LY96: variants seen among roughly 807,000 people sequenced by gnomAD.
LY96 encodes the protein lymphocyte antigen 96, also known as myeloid differentiation protein-2.
A neutral mutation model predicts 18.9 loss-of-function variants in LY96; 18 were observed. That is an observed-to-expected ratio of 0.95 (90% CI 0.66 to 1.41). The LOEUF is 1.41. Ranked by LOEUF, LY96 falls within the 40% of genes most tolerant of loss-of-function variation. LY96 has a pLI of 0.00. For synonymous variants in LY96, 66 were observed against 62.6 expected (o/e 1.06, Z -0.26); for missense variants, 175 against 182.4 (o/e 0.96, Z 0.23).
At chr8:74,019,506 T>C (rs951564797) in intron 3 of LY96, among the ~76,000 whole-genome samples, 1 of 152,220 alleles carries the variant, frequency 6.6e-6, no homozygotes, top group African/African-American at 2.4e-5. Flanking sequence ...AAGGAGATGG[T>C]ACCATTTCTT....
chr8:74,012,224 A>G (rs1816546676), intron 3 of LY96, among the ~76,000 whole-genome samples: 1 of 152,246 alleles, frequency 6.6e-6, no homozygotes, highest in South Asian at 2.1e-4. Flanking sequence ...TATATCAAAA[A>G]GATACCTGCA....
At chr8:74,094,050 A>G in the LY96 span, among the ~76,000 whole-genome samples, 136,004 of 152,102 alleles carry the variant, frequency 0.89, 61,000 homozygotes, top group African/African-American at 0.96. Context: ...TTATGAAAAC[A>G]CAGTTTGGGG....
chr8:74,063,875 T>C, the LY96 span, among the ~76,000 whole-genome samples: 1 of 152,188 alleles, frequency 6.6e-6, no homozygotes, highest in Admixed American at 6.5e-5. Flanking sequence ...TTGGATTGTT[T>C]ATACAGTCAA....
intron 3 of LY96, among the ~76,000 whole-genome samples, chr8:74,018,948 C>G (rs1472833576): frequency 6.6e-6 from 1 of 152,088 alleles, no homozygotes; most frequent in Non-Finnish European, 1.5e-5. Context: ...ATTTATAGCA[C>G]TAAATGCCCA....
At chr8:74,081,672 T>A in the LY96 span, among the ~76,000 whole-genome samples, 113 of 152,058 alleles carry the variant, frequency 7.4e-4, 1 homozygote, top group Admixed American at 1.5e-3. Flanking sequence ...TTTTTCTTTT[T>A]AGACAGAGTC....
rs1563707721 is a variant in LY96 at position 73,996,364 on chromosome 8, CCTTCATTCCTTTCTTTCTTTCTTT to C, written c.112+4814_112+4837del. Among the ~76,000 whole-genome samples the C allele has an allele frequency of 8.1e-4, 72 of 89,436 alleles. 1 individual carries two copies. Among genetic ancestry groups the C allele is most frequent in the African/African-American group, 2.4e-3 (64 of 26,752 alleles). 58.7% of individuals were successfully genotyped at this position (89,436 alleles called of 152,430 possible). On this transcript the variant is annotated intron_variant, in intron 1 of 4. Coordinates refer to ENST00000284818, the MANE Select transcript of LY96 (RefSeq NM_015364.5). The stretch of plus-strand genomic sequence containing the variant: ...TCCTTCCTTCCTTCCTTCCTTCCTT[CCTTCATTCCTTTCTTTCTTTCTTT>C]CTTTCTTTCTTTCTTTCTTTCTTTC...
the LY96 span, among the ~76,000 whole-genome samples, chr8:74,043,842 A>T: frequency 6.6e-6 from 1 of 152,188 alleles, no homozygotes; most frequent in Non-Finnish European, 1.5e-5. Context: ...ATATTGTTTT[A>T]TTTTTATCTT....
chr8:74,072,470 T>A, the LY96 span, among the ~76,000 whole-genome samples: 1 of 152,220 alleles, frequency 6.6e-6, no homozygotes. Context: ...TAATTATTAG[T>A]CCTCTGTTGT....
At chr8:74,082,388 T>C in the LY96 span, among the ~76,000 whole-genome samples, 3 of 152,234 alleles carry the variant, frequency 2.0e-5, no homozygotes, top group Admixed American at 6.5e-5. Flanking sequence ...ACTGTGGTCA[T>C]GTCCACGTAA....
the LY96 span, among the ~76,000 whole-genome samples, chr8:74,035,714 C>A: frequency 6.6e-6 from 1 of 152,186 alleles, no homozygotes; most frequent in African/African-American, 2.4e-5. Context: ...TTGAAGCCTG[C>A]TACCTGGAGG....
chr8:74,048,836 AAAG>A, the LY96 span: 9 of 152,266 alleles, frequency 5.9e-5, no homozygotes, highest in South Asian at 4.1e-4. Flanking sequence ...AGAAAGAAAG[AAAG>A]AAGAAAAGGA....
intron 1 of LY96, among the ~76,000 whole-genome samples, chr8:74,001,937 ACCTTCCTTCCTTC>A (rs1244794225): frequency 3.2e-5 from 2 of 63,452 alleles, no homozygotes; most frequent in African/African-American, 1.2e-4. Context: ...TTTTCAACCA[ACCTTCCTTCCTTC>A]CTTCCTTCCT....
At chr8:74,064,335 C>T in the LY96 span, among the ~76,000 whole-genome samples, 1 of 152,238 alleles carries the variant, frequency 6.6e-6, no homozygotes, top group East Asian at 1.9e-4. Context: ...AAAATGTGAT[C>T]CCCAGTGTTG....
chr8:73,995,324 G>A (rs1043911108), intron 1 of LY96, among the ~76,000 whole-genome samples: 3 of 152,210 alleles, frequency 2.0e-5, no homozygotes, highest in East Asian at 3.9e-4. Context: ...TAAGACACTC[G>A]CAGCTGGCTG....
the LY96 span, among the ~76,000 whole-genome samples, chr8:74,061,316 C>T: frequency 9.2e-5 from 14 of 152,192 alleles, no homozygotes; most frequent in Non-Finnish European, 1.6e-4. Context: ...AGCTTGTTTC[C>T]TCTCTCTCTG....
chr8:74,014,800 A>G (rs1019873342), intron 3 of LY96, among the ~76,000 whole-genome samples: 8 of 147,222 alleles, frequency 5.4e-5, no homozygotes, highest in Non-Finnish European at 1.2e-4. Context: ...GTTACCCATA[A>G]TCTCACCAGT....
At chr8:74,072,323 C>A in the LY96 span, among the ~76,000 whole-genome samples, 1 of 152,036 alleles carries the variant, frequency 6.6e-6, no homozygotes, top group East Asian at 1.9e-4. Context: ...TTCTGTAAGT[C>A]CTAATGAAAT....
chr8:74,011,857 T>TAA (rs1343364391), intron 3 of LY96, among the ~76,000 whole-genome samples: 1 of 89,946 alleles, frequency 1.1e-5, no homozygotes. Flanking sequence ...AGACTCCATC[T>TAA]CAAAAAAAAA....
the LY96 span, among the ~76,000 whole-genome samples, chr8:74,048,247 G>A: frequency 6.6e-6 from 1 of 151,162 alleles, no homozygotes; most frequent in African/African-American, 2.4e-5. Flanking sequence ...AGCCACAGTG[G>A]TCTTCGTTTA....
Sources: gnomAD v4.1 joint callset for allele counts (sites outside exome capture counted in the v4.1 genomes callset) on GRCh38, gnomAD v4.1.1 for gene constraint, MANE v1.5 for transcripts, NCBI Gene and HGNC (gene_info 2026-07-23, HGNC 2026-07-21) for gene names.